The following SSR1 variants were observed in gnomAD, a reference collection of about 807,000 sequenced individuals.
The protein encoded by SSR1 is signal sequence receptor subunit 1.
Under a neutral mutation model 36.1 loss-of-function variants are expected in SSR1, and 13 were observed. The ratio of observed to expected loss-of-function variants is 0.36; its 90% CI spans 0.23 to 0.57. The LOEUF is 0.57. Ranked by LOEUF, SSR1 falls within the 20% of genes least tolerant of loss-of-function variation. SSR1 has a pLI of 0.81. For synonymous variants in SSR1, 113 were observed against 118.9 expected, an observed-to-expected ratio of 0.95 and a Z score of 0.32; for missense variants, 291 against 338.5, an observed-to-expected ratio of 0.86 and a Z score of 1.10.
chr6:7,296,368 T>TAC (rs576749926), intron 6 of SSR1, among the ~76,000 whole-genome samples: 258 of 152,296 alleles, frequency 1.7e-3, no homozygotes, highest in African/African-American at 5.8e-3. Flanking sequence ...TATACAAATT[T>TAC]ACAGCAAAAA....
chr6:7,303,101 T>C (rs925268629), intron 3 of SSR1, among the ~76,000 whole-genome samples: 1 of 123,734 alleles, frequency 8.1e-6, no homozygotes, highest in African/African-American at 3.2e-5. Context: ...ATCATACCAC[T>C]GCACTCCAGC....
chr6:7,301,568 A>C lies in SSR1; in HGVS notation c.285T>G (p.Phe95Leu). ...TTILFVKGED[F>L]PANNIVKFLV... The stretch of plus-strand genomic sequence containing the variant: ...GGAACTTCACAATGTTATTTGCTGG[A>C]AAATCTGAGAAACAAAATAGAGACA... Residue 95 changes from phenylalanine to leucine, a missense_variant, in exon 4 of 8, where the codon TTT becomes TTG. Phe to Leu is a conservative substitution (Grantham distance 22). Coordinates refer to ENST00000244763, the MANE Select transcript of SSR1 (RefSeq NM_003144.5). The C allele has an allele frequency of 6.2e-7, 1 of 1,601,848 alleles. No homozygotes were observed. The highest frequency in any genetic ancestry group is 8.5e-7 in the Non-Finnish European group (1 of 1,176,792).
chr6:7,296,851 G>A (rs1368824666), intron 6 of SSR1: 2 of 153,040 alleles, frequency 1.3e-5, no homozygotes, highest in Non-Finnish European at 2.9e-5. Flanking sequence ...AATTTTGACT[G>A]AGAGAACAAA....
intron 3 of SSR1, among the ~76,000 whole-genome samples, chr6:7,303,138 T>TTA (rs1554133492): frequency 1.4e-3 from 59 of 42,918 alleles, no homozygotes; most frequent in Non-Finnish European, 2.1e-3. Flanking sequence ...GACTACATCT[T>TTA]AAAAAAAAAA....
chr6:7,297,216 CAAAAAAA>C (rs55729286), intron 6 of SSR1: 3 of 73,424 alleles, frequency 4.1e-5, no homozygotes, highest in South Asian at 4.6e-4. Context: ...CAGACTGTCT[CAAAAAAA>C]AAAAAAAAAA....
At position 7,309,907 on chromosome 6, in the gene SSR1, TA is replaced by T. The variant is rs1251945767; in HGVS notation, c.192+9del. ...CATTTTACATATATTAAATAGTATG[TA>T]ACACTAACCAAATCTGTGGGTTCAT... is the stretch of plus-strand genomic sequence containing the variant. On this transcript the variant is annotated intron_variant, in intron 2 of 7. Transcript: ENST00000244763. The T allele has an allele frequency of 5.0e-6, 8 of 1,589,226 alleles. No individual in the cohort carries two copies. Among genetic ancestry groups the T allele is most frequent in the Non-Finnish European group, 6.9e-6 (8 of 1,157,758 alleles).
intron 1 of SSR1, among the ~76,000 whole-genome samples, chr6:7,310,554 T>G (rs1758167161): frequency 6.6e-6 from 1 of 152,162 alleles, no homozygotes; most frequent in Non-Finnish European, 1.5e-5. Flanking sequence ...ATAAGAAACT[T>G]CTAAATGTAA....
intron 3 of SSR1, among the ~76,000 whole-genome samples, chr6:7,302,276 G>A (rs1757953581): frequency 6.6e-6 from 1 of 152,212 alleles, no homozygotes; most frequent in Non-Finnish European, 1.5e-5. Context: ...CACAGGCTAT[G>A]GGGCCAACAG....
chr6:7,294,503 C>G (rs1670941560), intron 7 of SSR1, among the ~76,000 whole-genome samples: 1 of 151,588 alleles, frequency 6.6e-6, no homozygotes, highest in Non-Finnish European at 1.5e-5. Context: ...GCCAGGCCAA[C>G]ATGGTGAAAC....
chr6:7,295,845 T>G (rs1171606822), intron 6 of SSR1, among the ~76,000 whole-genome samples: 1 of 152,224 alleles, frequency 6.6e-6, no homozygotes, highest in African/African-American at 2.4e-5. Flanking sequence ...CACATTTATT[T>G]TCAGGCTTTA....
intron 3 of SSR1, 120 bp from the exon 4 acceptor site, chr6:7,301,692 T>C: frequency 1.9e-6 from 2 of 1,044,810 alleles, no homozygotes; most frequent in Non-Finnish European, 2.7e-6. Flanking sequence ...CAGAATCCCT[T>C]CCAATAGAGC....
Position 7,313,171 on chromosome 6 carries a change from T to C in SSR1, c.-51A>G. 1.3e-6 allele frequency: 2 copies of C among 1,528,676 alleles called. No individual in the cohort carries two copies. Among genetic ancestry groups the C allele is most frequent in the Non-Finnish European group, 1.8e-6 (2 of 1,128,358 alleles). 94.7% of individuals were successfully genotyped at this position (1,528,676 alleles called of 1,614,324 possible). A position where few individuals can be genotyped will look rare whatever the true frequency, so the allele number is the denominator to read the frequency against. On this transcript the variant is annotated 5_prime_UTR_variant, in exon 1 of 8. Coordinates refer to ENST00000244763, the MANE Select transcript of SSR1 (RefSeq NM_003144.5). Reference sequence around the variant, plus strand: ...TCCGTCGGCTAAGGCTCTCGGCGGCTCCGGCGGTAATGGCGTTACTCTTCA... The same window carrying C: ...TCCGTCGGCTAAGGCTCTCGGCGGCCCCGGCGGTAATGGCGTTACTCTTCA...
rs572843692 is a variant in SSR1, at chr6:7,284,769, T to C, written c.*5095A>G. Reference sequence around the variant, plus strand: ...AAAAGTAGGTTTAAGGGAAGAATCATTTATAGTAACACTGAATTAAGTAAG... The same window carrying C: ...AAAAGTAGGTTTAAGGGAAGAATCACTTATAGTAACACTGAATTAAGTAAG... On this transcript the variant is annotated 3_prime_UTR_variant, in exon 8 of 8. Coordinates refer to ENST00000244763, the MANE Select transcript of SSR1 (RefSeq NM_003144.5). 2.6e-5 allele frequency: 4 copies of C among 152,108 alleles called. No homozygotes were observed. Among genetic ancestry groups the C allele is most frequent in the African/African-American group, 9.6e-5 (4 of 41,490 alleles). 9.4% of individuals were successfully genotyped at this position (152,108 alleles called of 1,614,324 possible). A position where few individuals can be genotyped will look rare whatever the true frequency, so the allele number is the denominator to read the frequency against.
In SSR1 at chr6:7,289,180, AAG is replaced by A. The variant is rs147392731; in HGVS notation, c.*682_*683del. 0.37 allele frequency: 56,084 copies of A among 151,882 alleles called. 10,404 individuals carry two copies. The highest frequency in any genetic ancestry group is 0.43 in the South Asian group (2,074 of 4,814). The allele number at this position is 151,882 out of a possible 1,614,324, so 9.4% of individuals were successfully genotyped here. A position where few individuals can be genotyped will look rare whatever the true frequency, so the allele number is the denominator to read the frequency against. ...ATGTACTAGTTTCTTTTTGTTAAAA[AAG>A]GGGGTAGGATTAGGTTTCATATATT... On this transcript the variant is annotated 3_prime_UTR_variant, in exon 8 of 8. Coordinates refer to ENST00000244763, the MANE Select transcript of SSR1 (RefSeq NM_003144.5).
Position 7,310,174 on chromosome 6 carries a change from G to GT in SSR1, c.80-146_80-145insA, listed in dbSNP as rs981856824. 245 of 595,576 alleles carry GT rather than the reference G, an allele frequency of 4.1e-4. 1 individual carries two copies. The highest frequency in any genetic ancestry group is 3.7e-3 in the African/African-American group (196 of 53,266). The allele number at this position is 595,576 out of a possible 1,614,324, so 36.9% of individuals were successfully genotyped here. ...TGAATGATGCCAATTACAATGCACC[G>GT]AAGAATATTTATATTTTAGTTTACT... On this transcript the variant is annotated intron_variant, in intron 1 of 7. Transcript: ENST00000244763.
At chr6:7,312,802 A>G (rs1758236452) in intron 1 of SSR1, among the ~76,000 whole-genome samples, 1 of 152,202 alleles carries the variant, frequency 6.6e-6, no homozygotes, top group Non-Finnish European at 1.5e-5. Flanking sequence ...GCCGGCCACG[A>G]AGCAAGGTCG....
Position 7,283,302 on chromosome 6 carries a change from AG to A in SSR1, c.*6561del, listed in dbSNP as rs1390454377. On this transcript the variant is annotated 3_prime_UTR_variant, in exon 8 of 8. Transcript: ENST00000244763. ...CGTTCTATCTCCCAGGCTGGAGTGCAGTGGCACGATCTCAGCTCACCACAAT... is the reference window on the plus strand; with the variant it reads ...CGTTCTATCTCCCAGGCTGGAGTGCATGGCACGATCTCAGCTCACCACAAT... 7 of 152,240 alleles carry A rather than the reference AG, an allele frequency of 4.6e-5. No homozygotes were observed. Among genetic ancestry groups the A allele is most frequent in the African/African-American group, 1.7e-4 (7 of 41,444 alleles). 9.4% of individuals were successfully genotyped at this position (152,240 alleles called of 1,614,324 possible). A position where few individuals can be genotyped will look rare whatever the true frequency, so the allele number is the denominator to read the frequency against.
intron 2 of SSR1, among the ~76,000 whole-genome samples, chr6:7,308,023 C>T (rs554751712): frequency 6.6e-6 from 1 of 152,298 alleles, no homozygotes; most frequent in Admixed American, 6.5e-5. Flanking sequence ...GTTATCTTAC[C>T]ACAACTAGTC....
intron 4 of SSR1, among the ~76,000 whole-genome samples, chr6:7,299,780 G>A (rs756639763): frequency 5.9e-5 from 9 of 151,918 alleles, no homozygotes; most frequent in Admixed American, 1.3e-4. Flanking sequence ...TTTATGTTGT[G>A]GTCTTGAAAT....
Sources: gnomAD v4.1 joint callset for allele counts (sites outside exome capture counted in the v4.1 genomes callset) on GRCh38, gnomAD v4.1.1 for gene constraint, MANE v1.5 for transcripts, NCBI Gene and HGNC (gene_info 2026-07-23, HGNC 2026-07-21) for gene names.